DRD3: variants seen among roughly 807,000 people sequenced by gnomAD.
The protein encoded by DRD3 is dopamine receptor D3.
DRD3 carries 19 observed loss-of-function variants against 36.3 expected under a neutral mutation model. The observed-to-expected ratio is 0.52, with a 90% CI of 0.36 to 0.77. The LOEUF (loss-of-function observed/expected upper bound fraction) is 0.77, where lower values mean the gene tolerates loss of function less well. DRD3 is among the 30% of genes least tolerant of loss of function. The probability of loss-of-function intolerance (pLI) is 0.00; values close to 1 mark genes in which losing one functional copy is unlikely to be tolerated. For synonymous variants in DRD3, 195 were observed against 203.7 expected (o/e 0.96, Z 0.36); for missense variants, 465 against 505.3 (o/e 0.92, Z 0.77).
At chr3:114,149,281 T>C (rs2077595555) in intron 3 of DRD3, among the ~76,000 whole-genome samples, 1 of 152,164 alleles carries the variant, frequency 6.6e-6, no homozygotes, top group African/African-American at 2.4e-5. Context: ...AAGTGAGTGA[T>C]ACGAGAGGGA....
intron 1 of DRD3, among the ~76,000 whole-genome samples, chr3:114,188,074 G>A (rs1425948275): frequency 1.3e-5 from 2 of 152,024 alleles, no homozygotes; most frequent in African/African-American, 2.4e-5. Context: ...TTATTATTTC[G>A]GCTGGGGCTT....
rs1238868013 is a variant in DRD3 at position 114,171,996 on chromosome 3, C to T, written c.-4G>A. 2.1e-6 allele frequency: 3 copies of T among 1,437,998 alleles called. No individual in the cohort carries two copies. The highest frequency in any genetic ancestry group is 2.7e-5 in the East Asian group (1 of 37,694). The allele number at this position is 1,437,998 out of a possible 1,614,324, so 89.1% of individuals were successfully genotyped here. On this transcript the variant is annotated 5_prime_UTR_variant, in exon 2 of 7. Coordinates refer to ENST00000383673, the MANE Select transcript of DRD3 (RefSeq NM_000796.6). ...TCAGCTGGCTCAGAGATGCCATAGC[C>T]CAGAGGGAGGTGCGTGATGCCAAGG...
chr3:114,188,573 A>G (rs1199941951), intron 1 of DRD3, among the ~76,000 whole-genome samples: 1 of 152,202 alleles, frequency 6.6e-6, no homozygotes, highest in Non-Finnish European at 1.5e-5. Context: ...CATGTTCACA[A>G]TATGGCTGCA....
At chr3:114,181,188 TAA>T (rs2077945867), upstream of DRD3, among the ~76,000 whole-genome samples, 1 of 152,174 alleles carries the variant, frequency 6.6e-6, no homozygotes, top group Non-Finnish European at 1.5e-5. Context: ...AAAAGGAAGA[TAA>T]AGAGTGATAT....
chr3:114,156,751 C>CTTT (rs1319434734), intron 3 of DRD3, among the ~76,000 whole-genome samples: 1 of 98,930 alleles, frequency 1.0e-5, no homozygotes, highest in East Asian at 2.9e-4. Context: ...CTTTTTCTTT[C>CTTT]TTTCTTTCTT....
chr3:114,177,180 A>C (rs938988761), intron 1 of DRD3, among the ~76,000 whole-genome samples: 2 of 152,204 alleles, frequency 1.3e-5, no homozygotes, highest in Admixed American at 6.5e-5. Context: ...ATGCAGGTGC[A>C]CACTGCTCAT....
intron 1 of DRD3, among the ~76,000 whole-genome samples, chr3:114,177,355 A>G (rs1316822206): frequency 1.3e-5 from 2 of 152,186 alleles, no homozygotes; most frequent in African/African-American, 4.8e-5. Context: ...TTGTTGGTAA[A>G]TGTACAGAGA....
At chr3:114,181,149 T>C (rs1577628870), upstream of DRD3, among the ~76,000 whole-genome samples, 1 of 152,230 alleles carries the variant, frequency 6.6e-6, no homozygotes, top group South Asian at 2.1e-4. Context: ...TTCCTCAGCA[T>C]GTTTTTAGTG....
upstream of DRD3, among the ~76,000 whole-genome samples, chr3:114,182,607 CTT>C (rs941910229): frequency 3.3e-5 from 5 of 151,844 alleles, no homozygotes; most frequent in Non-Finnish European, 7.4e-5. Flanking sequence ...CTAATTTTTT[CTT>C]TTTTTCTTTT....
At chr3:114,193,845 A>G (rs1355910299) in intron 1 of DRD3, among the ~76,000 whole-genome samples, 1 of 152,218 alleles carries the variant, frequency 6.6e-6, no homozygotes, top group Non-Finnish European at 1.5e-5. Context: ...ACATGAGCAC[A>G]CACATATAGT....
In DRD3 at chr3:114,128,668, G is replaced by C; in HGVS notation, c.*48C>G. 6.6e-7 allele frequency: 1 copy of C among 1,514,548 alleles called. No individual in the cohort carries two copies. Among genetic ancestry groups the C allele is most frequent in the Non-Finnish European group, 8.9e-7 (1 of 1,126,336 alleles). The allele number at this position is 1,514,548 out of a possible 1,614,324, so 93.8% of individuals were successfully genotyped here. On this transcript the variant is annotated 3_prime_UTR_variant, in exon 7 of 7. Transcript: ENST00000383673. ...CACAGTCTTTCTGAGTGGGCCAACAGCCTGGCAGCTAGAAATGGGTACAAA... is the reference window on the plus strand; with the variant it reads ...CACAGTCTTTCTGAGTGGGCCAACACCCTGGCAGCTAGAAATGGGTACAAA...
intron 1 of DRD3, among the ~76,000 whole-genome samples, chr3:114,173,359 T>C (rs930632291): frequency 7.9e-5 from 12 of 152,220 alleles, no homozygotes; most frequent in African/African-American, 2.9e-4. Context: ...TATAGAATGA[T>C]GTTGTAACCT....
At chr3:114,172,927 G>T (rs555076876) in intron 1 of DRD3, among the ~76,000 whole-genome samples, 1 of 151,786 alleles carries the variant, frequency 6.6e-6, no homozygotes, top group African/African-American at 2.4e-5. Flanking sequence ...TCTAGAGGAG[G>T]TGCTATAGAG....
intron 5 of DRD3, among the ~76,000 whole-genome samples, chr3:114,138,168 C>CAAA (rs35536800): frequency 3.1e-4 from 23 of 74,094 alleles, no homozygotes; most frequent in African/African-American, 1.2e-3. Flanking sequence ...GACTCTGTCT[C>CAAA]AAAAAAAAAA....
intron 3 of DRD3, 123 bp from the exon 4 acceptor site, chr3:114,147,680 A>G (rs906980393): frequency 1.0e-5 from 12 of 1,191,598 alleles, no homozygotes; most frequent in South Asian, 3.0e-5. Context: ...GCAGAAGTGC[A>G]GTGGCATGAT....
chr3:114,128,583 G>A lies in DRD3; in HGVS notation c.*133C>T, dbSNP rs897504223. On this transcript the variant is annotated 3_prime_UTR_variant, in exon 7 of 7. Coordinates refer to ENST00000383673, the MANE Select transcript of DRD3 (RefSeq NM_000796.6). ...TTGGAGGACACATCTGGTTATACCTGACAAGCAGGGACATCCTGGCTCCAG... is the reference window on the plus strand; with the variant it reads ...TTGGAGGACACATCTGGTTATACCTAACAAGCAGGGACATCCTGGCTCCAG... The A allele has an allele frequency of 1.1e-6, 1 of 886,484 alleles. No homozygotes were observed. Among genetic ancestry groups the A allele is most frequent in the Non-Finnish European group, 1.6e-6 (1 of 607,164 alleles). The allele number at this position is 886,484 out of a possible 1,614,324, so 54.9% of individuals were successfully genotyped here. A position where few individuals can be genotyped will look rare whatever the true frequency, so the allele number is the denominator to read the frequency against.
At chr3:114,184,070 T>A (rs1414975346) in intron 1 of DRD3, among the ~76,000 whole-genome samples, 3 of 152,202 alleles carry the variant, frequency 2.0e-5, no homozygotes, top group African/African-American at 7.2e-5. Context: ...TTGTGTGTGT[T>A]TAGTTGATGT....
intron 6 of DRD3, among the ~76,000 whole-genome samples, chr3:114,130,354 A>C (rs145994180): frequency 1.6e-3 from 250 of 152,258 alleles, no homozygotes; most frequent in African/African-American, 5.7e-3. Context: ...CCCACCACTC[A>C]AAGACAATCA....
At chr3:114,168,601 T>C (rs1234519628) in intron 2 of DRD3, among the ~76,000 whole-genome samples, 1 of 151,660 alleles carries the variant, frequency 6.6e-6, no homozygotes, top group African/African-American at 2.4e-5. Context: ...TCCCTACCCA[T>C]CCTATTTTTG....
Sources: allele counts gnomAD v4.1 joint callset (sites outside exome capture counted in the v4.1 genomes callset), GRCh38; gene constraint gnomAD v4.1.1; transcripts MANE v1.5; gene names NCBI Gene and HGNC (gene_info 2026-07-23, HGNC 2026-07-21).